Variants in AGMO observed in about 807,000 individuals in gnomAD.
The protein encoded by AGMO is alkylglycerol monooxygenase, also known as glyceryl-ether monooxygenase.
In AGMO, 75 loss-of-function variants were observed where a neutral mutation model predicts 60.2. That is an observed-to-expected ratio of 1.25 (90% confidence interval 1.03 to 1.51). The LOEUF (loss-of-function observed/expected upper bound fraction) is 1.51. Ranked by LOEUF, AGMO falls within the 40% of genes most tolerant of loss-of-function variation. AGMO has a pLI of 0.00. For synonymous variants in AGMO, 261 were observed against 177.1 expected (o/e 1.47, Z -3.76); for missense variants, 763 against 525.5 (o/e 1.45, Z -4.42).
intron 12 of AGMO, among the ~76,000 whole-genome samples, chr7:15,354,496 G>GTGTA (rs1390155386): frequency 5.3e-5 from 1 of 18,778 alleles, no homozygotes; most frequent in Admixed American, 6.6e-4. Flanking sequence ...ATACACACGT[G>GTGTA]TATATATATA....
intron 4 of AGMO, among the ~76,000 whole-genome samples, chr7:15,426,816 G>C (rs1260800378): frequency 6.6e-6 from 1 of 152,026 alleles, no homozygotes; most frequent in Non-Finnish European, 1.5e-5. Context: ...CCAGGCAGAG[G>C]TAATGGCATG....
chr7:15,289,618 A>G (rs1021250441), intron 12 of AGMO, among the ~76,000 whole-genome samples: 1 of 152,014 alleles, frequency 6.6e-6, no homozygotes, highest in African/African-American at 2.4e-5. Flanking sequence ...TTTTAATAAT[A>G]GATATTATAA....
intron 12 of AGMO, among the ~76,000 whole-genome samples, chr7:15,264,514 T>C (rs958794029): frequency 2.0e-5 from 3 of 152,010 alleles, no homozygotes; most frequent in African/African-American, 7.2e-5. Context: ...ATATCAATTA[T>C]TATTTCTATT....
At chr7:15,418,491 T>C (rs776625249) in intron 5 of AGMO, 67 bp downstream of exon 5, 1 of 957,602 alleles carries the variant, frequency 1.0e-6, no homozygotes, top group East Asian at 2.5e-5. Context: ...CATCTGCTAG[T>C]GGATTTCCAG....
At chr7:15,176,570 T>A in the AGMO span, among the ~76,000 whole-genome samples, 1 of 151,898 alleles carries the variant, frequency 6.6e-6, no homozygotes, top group Non-Finnish European at 1.5e-5. Flanking sequence ...ATTATATATA[T>A]TCAAATGTAC....
At chr7:15,436,737 CTCTT>C (rs72389082) in intron 3 of AGMO, among the ~76,000 whole-genome samples, 8,955 of 152,224 alleles carry the variant, frequency 0.059, 342 homozygotes, top group African/African-American at 0.1. Flanking sequence ...ATTTGATACA[CTCTT>C]TCCTCTTTTG....
At chr7:15,476,203 C>T (rs1782589702) in intron 3 of AGMO, among the ~76,000 whole-genome samples, 1 of 152,026 alleles carries the variant, frequency 6.6e-6, no homozygotes, top group Non-Finnish European at 1.5e-5. Context: ...CCTTGCTGCT[C>T]GAGTAAGCAG....
intron 4 of AGMO, among the ~76,000 whole-genome samples, chr7:15,427,990 T>G (rs1781117993): frequency 6.6e-6 from 1 of 152,216 alleles, no homozygotes; most frequent in African/African-American, 2.4e-5. Context: ...ATATACTTAA[T>G]TTCACATTTC....
At position 15,468,291 on chromosome 7, in the gene AGMO, T is replaced by G. The variant is rs911204390; in HGVS notation, c.410-37183A>C. Among the ~76,000 whole-genome samples, 4 of 152,258 alleles carry G rather than the reference T, an allele frequency of 2.6e-5. No individual in the cohort carries two copies. The South Asian group carries it at 8.3e-4, about 32-fold the overall frequency. The stretch of plus-strand genomic sequence containing the variant: ...TTACTTTTCTCCTGGATGATGACAA[T>G]ACCAGACACTGGTACCAAGATTACT... On this transcript the variant is annotated intron_variant, in intron 3 of 12. Coordinates refer to ENST00000342526, the MANE Select transcript of AGMO (RefSeq NM_001004320.2).
chr7:15,358,268 T>G, intron 12 of AGMO: 1 of 353,058 alleles, frequency 2.8e-6, no homozygotes, highest in South Asian at 2.3e-5. Flanking sequence ...TGAAGAGTCT[T>G]AAGGTTGCTG....
At chr7:15,151,545 TTTTAA>T in the AGMO span, among the ~76,000 whole-genome samples, 11 of 152,232 alleles carry the variant, frequency 7.2e-5, no homozygotes, top group South Asian at 4.1e-4. Context: ...TTTTTTTCTG[TTTTAA>T]TTTAATTGTT....
intron 3 of AGMO, among the ~76,000 whole-genome samples, chr7:15,506,484 G>A (rs2128527947): frequency 6.6e-6 from 1 of 152,050 alleles, no homozygotes; most frequent in African/African-American, 2.4e-5. Flanking sequence ...CATTATTCCT[G>A]GAGGACAATT....
intron 3 of AGMO, among the ~76,000 whole-genome samples, chr7:15,522,137 T>C (rs768295434): frequency 1.3e-5 from 2 of 152,114 alleles, no homozygotes; most frequent in East Asian, 1.9e-4. Flanking sequence ...GAATACAACT[T>C]ACAAGAGATG....
intron 12 of AGMO, among the ~76,000 whole-genome samples, chr7:15,299,624 T>C (rs984327983): frequency 6.6e-6 from 1 of 152,052 alleles, no homozygotes; most frequent in African/African-American, 2.4e-5. Context: ...TCAGGAGTTC[T>C]AGAGCAGCCT....
At chr7:15,381,569 G>A (rs1441653362) in intron 10 of AGMO, among the ~76,000 whole-genome samples, 1 of 152,164 alleles carries the variant, frequency 6.6e-6, no homozygotes, top group Non-Finnish European at 1.5e-5. Flanking sequence ...CTTATACACT[G>A]TTGGTGGGAA....
chr7:15,215,493 T>A (rs1396964131), intron 12 of AGMO, among the ~76,000 whole-genome samples: 2 of 151,966 alleles, frequency 1.3e-5, no homozygotes, highest in Non-Finnish European at 2.9e-5. Context: ...AGGAATGATA[T>A]TAGTACATTT....
intron 12 of AGMO, among the ~76,000 whole-genome samples, chr7:15,258,694 G>A (rs189170271): frequency 2.6e-5 from 4 of 152,296 alleles, no homozygotes; most frequent in Admixed American, 2.6e-4. Context: ...TACCTCTACT[G>A]GAGCAGGGGC....
chr7:15,438,134 T>C (rs12699715), intron 3 of AGMO, among the ~76,000 whole-genome samples: 76,019 of 151,844 alleles, frequency 0.5, 19,106 homozygotes, highest in Middle Eastern at 0.57. Context: ...ACCTTAAGAA[T>C]TTATCATCTT....
At chr7:15,326,933 T>C (rs1781355032) in intron 12 of AGMO, among the ~76,000 whole-genome samples, 1 of 152,252 alleles carries the variant, frequency 6.6e-6, no homozygotes, top group Admixed American at 6.5e-5. Context: ...TAAAGTTTTA[T>C]AAGCTGCTGC....
Sources: allele counts gnomAD v4.1 joint callset (sites outside exome capture counted in the v4.1 genomes callset), GRCh38; gene constraint gnomAD v4.1.1; transcripts MANE v1.5; gene names NCBI Gene and HGNC (gene_info 2026-07-23, HGNC 2026-07-21).